LHPP: variants seen among roughly 807,000 people sequenced by gnomAD.
LHPP encodes the protein phospholysine phosphohistidine inorganic pyrophosphate phosphatase, also known as hLHPP.
A neutral mutation model predicts 30.3 loss-of-function variants in LHPP; 24 were observed. The observed-to-expected ratio is 0.79, with a 90% confidence interval of 0.57 to 1.11. The LOEUF (loss-of-function observed/expected upper bound fraction) is 1.11, where lower values mean the gene tolerates loss of function less well. Ranked by LOEUF, LHPP falls within the 50% of genes most tolerant of loss-of-function variation. The probability of loss-of-function intolerance (pLI) is 0.00; values close to 1 mark genes in which losing one functional copy is unlikely to be tolerated. For missense variants in LHPP, 356 were observed against 367.2 expected, an observed-to-expected ratio of 0.97 and a Z score of 0.25; for synonymous variants, 150 against 157.1, an observed-to-expected ratio of 0.95 and a Z score of 0.34.
intron 1 of LHPP, among the ~76,000 whole-genome samples, chr10:124,481,336 C>G (rs1953122468): frequency 6.7e-6 from 1 of 149,954 alleles, no homozygotes; most frequent in African/African-American, 2.5e-5. Flanking sequence ...GGGGCCCTCT[C>G]TCACTGGTGG....
intron 6 of LHPP, among the ~76,000 whole-genome samples, chr10:124,538,698 C>T (rs1240349953): frequency 1.3e-5 from 2 of 152,242 alleles, no homozygotes; most frequent in African/African-American, 4.8e-5. Context: ...CTGAGACTCG[C>T]ATGCCTGGGA....
In LHPP at chr10:124,576,746, A is replaced by G. The variant is rs887096505; in HGVS notation, c.717-36518A>G. Among the ~76,000 whole-genome samples, 2 of 152,096 alleles carry G rather than the reference A, an allele frequency of 1.3e-5. No individual in the cohort carries two copies. Among genetic ancestry groups the G allele is most frequent in the East Asian group, 3.9e-4 (2 of 5,152 alleles). On this transcript the variant is annotated intron_variant, in intron 6 of 6. Transcript: ENST00000368842. This position sits in a 1 kb window ranked among gnomAD's most constrained non-coding sequence, Gnocchi z 4.2. ...GCTGAGGGGGGTTCTTTAGGGCAGG[A>G]GTTACCTGCCCTGTAGACGGGGAGA...
At chr10:124,602,010 C>G (rs2134012446) in intron 6 of LHPP, among the ~76,000 whole-genome samples, 1 of 152,344 alleles carries the variant, frequency 6.6e-6, no homozygotes, top group Admixed American at 6.5e-5. Flanking sequence ...GCTGCACTGC[C>G]TCTTCGTAGT....
At chr10:124,555,399 C>T (rs752208690) in intron 6 of LHPP, among the ~76,000 whole-genome samples, 11 of 152,182 alleles carry the variant, frequency 7.2e-5, no homozygotes, top group Non-Finnish European at 1.5e-4. Context: ...GGGAGGGTCC[C>T]TGCCTTACAG....
intron 1 of LHPP, among the ~76,000 whole-genome samples, chr10:124,469,441 C>T (rs539775473): frequency 1.3e-5 from 2 of 152,158 alleles, no homozygotes; most frequent in African/African-American, 4.8e-5. Flanking sequence ...CACCCCGCAT[C>T]GAGGGAGGCC....
intron 6 of LHPP, among the ~76,000 whole-genome samples, chr10:124,582,255 T>G (rs999894242): frequency 6.6e-6 from 1 of 152,104 alleles, no homozygotes. Context: ...GAATTTTTAT[T>G]TTTATTTTTA....
intron 6 of LHPP, among the ~76,000 whole-genome samples, chr10:124,570,990 G>A (rs1357449628): frequency 6.6e-6 from 1 of 152,186 alleles, no homozygotes; most frequent in African/African-American, 2.4e-5. Flanking sequence ...TTCCCATGTT[G>A]TTCTGTTCTG....
intron 6 of LHPP, among the ~76,000 whole-genome samples, chr10:124,569,967 C>T (rs897279): frequency 0.3 from 44,930 of 152,090 alleles, 6,778 homozygotes; most frequent in South Asian, 0.4. Context: ...TCAGACCCCC[C>T]GACCCCAGGT....
At chr10:124,611,929 G>A (rs1354488370) in intron 6 of LHPP, among the ~76,000 whole-genome samples, 1 of 152,230 alleles carries the variant, frequency 6.6e-6, no homozygotes, top group Non-Finnish European at 1.5e-5. Context: ...GCCGTGGGGA[G>A]ATCCAAGCAA....
At chr10:124,584,893 CCT>C (rs1491027612) in intron 6 of LHPP, among the ~76,000 whole-genome samples, 1 of 146,216 alleles carries the variant, frequency 6.8e-6, no homozygotes, top group Non-Finnish European at 1.5e-5. Context: ...AAATTCCACC[CCT>C]GTCCTCACGC....
intron 6 of LHPP, among the ~76,000 whole-genome samples, chr10:124,571,219 C>T (rs1040685124): frequency 2.0e-5 from 3 of 152,182 alleles, no homozygotes; most frequent in Admixed American, 6.6e-5. Flanking sequence ...AGTGTGAAAA[C>T]GGACTGATAC....
In LHPP at chr10:124,517,915, G is replaced by C. The variant is rs1954500092; in HGVS notation, c.716+644G>C. On this transcript the variant is annotated intron_variant, in intron 6 of 6. Coordinates refer to ENST00000368842, the MANE Select transcript of LHPP (RefSeq NM_022126.4). This position sits in a 1 kb window ranked among gnomAD's most constrained non-coding sequence, Gnocchi z 4.1. ...ATCTTGGACATCAGAGTGTTGCCTT[G>C]CCTTATGCTAGATGGTTTCGATTGT... 6.6e-6 allele frequency among the ~76,000 whole-genome samples: 1 copy of C among 152,212 alleles called. No individual in the cohort carries two copies. Among genetic ancestry groups the C allele is most frequent in the South Asian group, 2.1e-4 (1 of 4,826 alleles).
intron 6 of LHPP, among the ~76,000 whole-genome samples, chr10:124,569,826 G>A (rs533814740): frequency 6.6e-6 from 1 of 152,178 alleles, no homozygotes; most frequent in Non-Finnish European, 1.5e-5. Flanking sequence ...GTTGATCGAG[G>A]TATAACACCC....
intron 6 of LHPP, among the ~76,000 whole-genome samples, chr10:124,587,427 T>C (rs1347292787): frequency 2.0e-5 from 3 of 151,944 alleles, no homozygotes; most frequent in Admixed American, 6.6e-5. Flanking sequence ...TCTTTGCTTG[T>C]TTATTTTCAA....
intron 6 of LHPP, among the ~76,000 whole-genome samples, chr10:124,531,112 A>G (rs1024577458): frequency 2.6e-5 from 4 of 151,974 alleles, no homozygotes; most frequent in Admixed American, 6.5e-5. Flanking sequence ...CACCTGTCCC[A>G]CCACCTCTTC....
rs76606006 is a variant in LHPP at position 124,583,696 on chromosome 10, A to C, written c.717-29568A>C. 3.3e-5 allele frequency among the ~76,000 whole-genome samples: 5 copies of C among 152,290 alleles called. 1 individual carries two copies. The East Asian group carries it at 5.8e-4, about 18-fold the overall frequency. ...GTATACTTCTAAATGACCAGATCTC[A>C]TGAGAACTTACTCACTATCGCAAAT... On this transcript the variant is annotated intron_variant, in intron 6 of 6. Coordinates refer to ENST00000368842, the MANE Select transcript of LHPP (RefSeq NM_022126.4).
At chr10:124,534,295 G>A (rs1954967255) in intron 6 of LHPP, among the ~76,000 whole-genome samples, 1 of 152,248 alleles carries the variant, frequency 6.6e-6, no homozygotes, top group Non-Finnish European at 1.5e-5. Flanking sequence ...GGCAGATGCT[G>A]GATTGTCTTT....
At position 124,576,283 on chromosome 10, in the gene LHPP, C is replaced by T. The variant is rs371148639; in HGVS notation, c.717-36981C>T. ...TTCAAAGAAAAACCCATTACCAACC[C>T]GGCAGAACATAAAGTACTAGTGTGG... On this transcript the variant is annotated intron_variant, in intron 6 of 6. Coordinates refer to ENST00000368842, the MANE Select transcript of LHPP (RefSeq NM_022126.4). This position sits in a 1 kb window ranked among gnomAD's most constrained non-coding sequence, Gnocchi z 4.2. Among the ~76,000 whole-genome samples the T allele has an allele frequency of 1.3e-5, 2 of 152,144 alleles. No homozygotes were observed. The highest frequency in any genetic ancestry group is 2.4e-5 in the African/African-American group (1 of 41,416).
In LHPP at chr10:124,507,926, G is replaced by T. The variant is rs1339036161; in HGVS notation, c.625-9254G>T. On this transcript the variant is annotated intron_variant, in intron 5 of 6. Coordinates refer to ENST00000368842, the MANE Select transcript of LHPP (RefSeq NM_022126.4). ...GTAGACAGGATTTCAGGTGGGGAGG[G>T]TAGGCATGAGGGCTGCAGTGATCTT... 2.8e-5 allele frequency among the ~76,000 whole-genome samples: 2 copies of T among 72,368 alleles called. 1 individual carries two copies. The highest frequency in any genetic ancestry group is 1.4e-3 in the South Asian group (2 of 1,466). 47.5% of individuals were successfully genotyped at this position (72,368 alleles called of 152,430 possible).
Sources: gnomAD v4.1 joint callset for allele counts (sites outside exome capture counted in the v4.1 genomes callset) on GRCh38, gnomAD v4.1.1 for gene constraint, Gnocchi (gnomAD v3.1) non-coding constraint, MANE v1.5 for transcripts, NCBI Gene and HGNC (gene_info 2026-07-23, HGNC 2026-07-21) for gene names.